Variants in TBCD observed in about 807,000 individuals in gnomAD.
TBCD encodes tubulin-specific chaperone D.
A neutral mutation model predicts 169.3 loss-of-function variants in TBCD; 105 were observed. The ratio of observed to expected loss-of-function variants is 0.62; its 90% CI spans 0.53 to 0.73. TBCD has a LOEUF of 0.73. Ranked by LOEUF, TBCD falls within the 30% of genes least tolerant of loss-of-function variation. The probability of loss-of-function intolerance (pLI) is 0.00; values close to 1 mark genes in which losing one functional copy is unlikely to be tolerated. For missense variants in TBCD, 1,444 were observed against 1,600.1 expected (o/e 0.90, Z 1.66); for synonymous variants, 700 against 643.9 (o/e 1.09, Z -1.32).
intron 13 of TBCD, among the ~76,000 whole-genome samples, chr17:82,856,586 CAG>C: frequency 6.6e-6 from 1 of 152,354 alleles, no homozygotes; most frequent in African/African-American, 2.4e-5. Flanking sequence ...TGAATGCTAT[CAG>C]GGCCCTTACA....
Position 82,930,701 on chromosome 17 carries a change from G to A in TBCD, c.3113+58G>A, listed in dbSNP as rs952550569. 64 of 1,609,406 alleles carry A rather than the reference G, an allele frequency of 4.0e-5. No individual in the cohort carries two copies. In the African/African-American group the frequency reaches 5.7e-4, roughly 14 times the overall value. ...GAGTGGTGCTGGTGCCTCTCACCAC[G>A]TTCCCACAGATTCCCGGGGTCTCGC... is the stretch of plus-strand genomic sequence containing the variant. On this transcript the variant is annotated intron_variant, in intron 33 of 38. Coordinates refer to ENST00000355528, the MANE Select transcript of TBCD (RefSeq NM_005993.5). The surrounding 1 kb of genome is among the most constrained non-coding windows in gnomAD (Gnocchi z 5.2).
Position 82,938,055 on chromosome 17 carries a change from C to T in TBCD, c.3288C>T (p.Cys1096=), listed in dbSNP as rs376721612. Residue 1096 remains cysteine, a synonymous_variant, in exon 36 of 39, where the codon TGC becomes TGT. Coordinates refer to ENST00000355528, the MANE Select transcript of TBCD (RefSeq NM_005993.5). ...QKLLSGIAVF[C]EMVQFPGDVR... ...CATGTGCTGCTCCCGGCAGGTTCTGCGAGATGGTGCAGTTCCCCGGCGACG... is the reference window on the plus strand; with the variant it reads ...CATGTGCTGCTCCCGGCAGGTTCTGTGAGATGGTGCAGTTCCCCGGCGACG... The T allele has an allele frequency of 1.2e-5, 20 of 1,612,908 alleles. No individual in the cohort carries two copies. The highest frequency in any genetic ancestry group is 3.3e-5 in the Admixed American group (2 of 60,008).
rs1555617640 is a variant in TBCD, at chr17:82,856,018, T to TG, written c.1319-14205dup. Among the ~76,000 whole-genome samples, 7 of 144,214 alleles carry TG rather than the reference T, an allele frequency of 4.9e-5. No individual in the cohort carries two copies. The South Asian group carries it at 1.7e-3, about 35-fold the overall frequency. 94.6% of individuals were successfully genotyped at this position (144,214 alleles called of 152,430 possible). On this transcript the variant is annotated intron_variant, in intron 13 of 38. Transcript: ENST00000355528. ...CTTTTTTTTTTTTTTTTTTTTTTTT[T>TG]GTAGAGACAGGGTCTCACCATCTAG...
intron 13 of TBCD, among the ~76,000 whole-genome samples, chr17:82,828,312 A>G (rs1481016276): frequency 7.3e-6 from 1 of 137,628 alleles, no homozygotes; most frequent in Non-Finnish European, 1.5e-5. Context: ...GCACACCCAC[A>G]CAATCTAATG....
At position 82,830,606 on chromosome 17, in the gene TBCD, C is replaced by T. The variant is rs536499326; in HGVS notation, c.1318+15672C>T. The T allele has an allele frequency of 2.6e-5, 42 of 1,613,992 alleles. No individual in the cohort carries two copies. The African/African-American group carries it at 3.3e-4, about 13-fold the overall frequency. ...GCAGGTTCTGCAGCTCGTGGTCGAC[C>T]GGGGAAGGCAGGCCTCGGAGCCTGG... On this transcript the variant is annotated intron_variant, in intron 13 of 38. Transcript: ENST00000355528.
rs1009110691 is a variant in TBCD at position 82,920,274 on chromosome 17, C to G, written c.2039-282C>G. ...TCTGCAGCTCCCTGACAGGCCGGCC[C>G]GGCTTCTCTGAAGTGCACGTGGGCT... On this transcript the variant is annotated intron_variant, in intron 23 of 38. Transcript: ENST00000355528. The surrounding 1 kb of genome is among the most constrained non-coding windows in gnomAD (Gnocchi z 4.1). Among the ~76,000 whole-genome samples the G allele has an allele frequency of 6.6e-6, 1 of 152,242 alleles. No individual in the cohort carries two copies. Among genetic ancestry groups the G allele is most frequent in the East Asian group, 1.9e-4 (1 of 5,196 alleles).
At chr17:82,775,903 TAAA>T (rs200684153) in intron 6 of TBCD, among the ~76,000 whole-genome samples, 1 of 150,936 alleles carries the variant, frequency 6.6e-6, no homozygotes, top group Non-Finnish European at 1.5e-5. Flanking sequence ...ATAAAAAAAT[TAAA>T]AAAAAACCCC....
At position 82,764,045 on chromosome 17, in the gene TBCD, C is replaced by A; in HGVS notation, c.316C>A (p.Leu106Ile). 1 of 1,613,578 alleles carries A rather than the reference C, an allele frequency of 6.2e-7. No homozygotes were observed. Among genetic ancestry groups the A allele is most frequent in the East Asian group, 2.2e-5 (1 of 44,874 alleles). The change falls in exon 3 of 39, where the codon CTT (leucine) becomes ATT (isoleucine). Residue 106 changes from leucine to isoleucine, a missense_variant. Transcript: ENST00000355528. The part of the protein sequence containing the change: ...ASLVHLAFKF[L>I]YIITKVRGYK... ...CCTTGTACATCTGGCTTTTAAATTTCTTTACATCATCACCAAGGTAACATT... is the reference window on the plus strand; with the variant it reads ...CCTTGTACATCTGGCTTTTAAATTTATTTACATCATCACCAAGGTAACATT...
At chr17:82,926,304 G>A in intron 27 of TBCD, 96 bp from the exon 28 acceptor site, 1 of 1,150,202 alleles carries the variant, frequency 8.7e-7, no homozygotes, top group South Asian at 1.3e-5. Context: ...ATCTCATGGT[G>A]TGGGGTCTGT....
At chr17:82,936,690 G>T (rs2062661244) in intron 34 of TBCD, among the ~76,000 whole-genome samples, 1 of 152,186 alleles carries the variant, frequency 6.6e-6, no homozygotes, top group African/African-American at 2.4e-5. Flanking sequence ...GGTGGCTGGA[G>T]CTTGGCTGCA....
intron 13 of TBCD, among the ~76,000 whole-genome samples, chr17:82,867,445 T>C (rs1053830719): frequency 6.6e-6 from 1 of 152,216 alleles, no homozygotes; most frequent in Admixed American, 6.5e-5. Flanking sequence ...TCCCTGGGGA[T>C]CTGGCCTGGC....
intron 9 of TBCD, among the ~76,000 whole-genome samples, chr17:82,801,923 G>A (rs546379986): frequency 2.7e-5 from 4 of 149,652 alleles, no homozygotes; most frequent in South Asian, 2.2e-4. Context: ...CGTGTGTGTC[G>A]TCGTGTGGCT....
In TBCD at chr17:82,922,036, C is replaced by G. The variant is rs529719255; in HGVS notation, c.2178+459C>G. On this transcript the variant is annotated intron_variant, in intron 25 of 38. Coordinates refer to ENST00000355528, the MANE Select transcript of TBCD (RefSeq NM_005993.5). The surrounding 1 kb of genome is among the most constrained non-coding windows in gnomAD (Gnocchi z 4.1). Reference sequence around the variant, plus strand: ...TGTGTCCCCGGCCACCTGCCCTCCCCTCCCGTCCTGGGGGTTACAGGTGGA... The same window carrying G: ...TGTGTCCCCGGCCACCTGCCCTCCCGTCCCGTCCTGGGGGTTACAGGTGGA... Among the ~76,000 whole-genome samples, 1 of 152,308 alleles carries G rather than the reference C, an allele frequency of 6.6e-6. No homozygotes were observed. The highest frequency in any genetic ancestry group is 1.9e-4 in the East Asian group (1 of 5,164).
Position 82,927,266 on chromosome 17 carries a change from C to G in TBCD, c.2552C>G (p.Ala851Gly). 2 of 1,613,986 alleles carry G rather than the reference C, an allele frequency of 1.2e-6. No homozygotes were observed. Among genetic ancestry groups the G allele is most frequent in the Non-Finnish European group, 1.7e-6 (2 of 1,179,892 alleles). ...CGENVSQIYC[A>G]LLGCMDDYTT... Reference sequence around the variant, plus strand: ...GAGAATGTTTCCCAGATTTACTGTGCGCTGCTGGGCTGCATGGACGACTAC... The same window carrying G: ...GAGAATGTTTCCCAGATTTACTGTGGGCTGCTGGGCTGCATGGACGACTAC... The change falls in exon 29 of 39, where the codon GCG (alanine) becomes GGG (glycine). Residue 851 changes from alanine (A) to glycine (G), a missense_variant. Transcript: ENST00000355528.
At chr17:82,887,168 T>TGCGCGC (rs113145269) in intron 15 of TBCD, among the ~76,000 whole-genome samples, 14 of 126,092 alleles carry the variant, frequency 1.1e-4, no homozygotes, top group South Asian at 5.9e-4. Flanking sequence ...TGTGTGTGTG[T>TGCGCGC]GCGCGCGCGC....
At chr17:82,793,464 G>A (rs1323691796) in intron 7 of TBCD, among the ~76,000 whole-genome samples, 1 of 152,218 alleles carries the variant, frequency 6.6e-6, no homozygotes, top group African/African-American at 2.4e-5. Context: ...TGCACTGGAC[G>A]TTGTGGTTTT....
intron 27 of TBCD, among the ~76,000 whole-genome samples, chr17:82,925,576 G>C (rs984135141): frequency 6.6e-6 from 1 of 152,146 alleles, no homozygotes; most frequent in Non-Finnish European, 1.5e-5. Context: ...TCTGAAGCTG[G>C]AATAGGCCCT....
intron 7 of TBCD, among the ~76,000 whole-genome samples, chr17:82,790,642 G>GC (rs2144496242): frequency 6.6e-6 from 1 of 152,278 alleles, no homozygotes; most frequent in East Asian, 1.9e-4. Flanking sequence ...GCACCCTGCC[G>GC]CCCCCAGCAT....
In TBCD at chr17:82,915,922, T is replaced by A. The variant is rs8070645; in HGVS notation, c.2038+4133T>A. On this transcript the variant is annotated intron_variant, in intron 23 of 38. Transcript: ENST00000355528. The surrounding 1 kb of genome is among the most constrained non-coding windows in gnomAD (Gnocchi z 4.3). ...TCCGTGCTCCATCTCTGATGCCCTGTACACACCTGCCACCTCCCCTGTCCC... is the reference window on the plus strand; with the variant it reads ...TCCGTGCTCCATCTCTGATGCCCTGAACACACCTGCCACCTCCCCTGTCCC... Among the ~76,000 whole-genome samples the A allele has an allele frequency of 0.99, 151,341 of 152,294 alleles. 75,204 individuals carry two copies. The highest frequency in any genetic ancestry group is 1 in the East Asian group (5,178 of 5,178).
Sources: gnomAD v4.1 joint callset for allele counts (sites outside exome capture counted in the v4.1 genomes callset) on GRCh38, gnomAD v4.1.1 for gene constraint, Gnocchi (gnomAD v3.1) non-coding constraint, MANE v1.5 for transcripts, NCBI Gene and HGNC (gene_info 2026-07-23, HGNC 2026-07-21) for gene names.